The following ENTPD1 variants were observed in gnomAD, a reference collection of about 807,000 sequenced individuals.
ENTPD1 encodes the protein ATP diphosphohydrolase.
Under a neutral mutation model 57.0 loss-of-function variants are expected in ENTPD1, and 33 were observed. That is an observed-to-expected ratio of 0.58 (90% CI 0.44 to 0.77). The LOEUF (loss-of-function observed/expected upper bound fraction) is 0.77, where lower values mean the gene tolerates loss of function less well. ENTPD1 is among the 30% of genes least tolerant of loss of function. ENTPD1 has a pLI of 0.00. For missense variants in ENTPD1, 501 were observed against 603.4 expected (o/e 0.83, Z 1.78); for synonymous variants, 202 against 218.8 (o/e 0.92, Z 0.68).
chr10:95,796,705 AGAT>A (rs1457808238), intron 1 of ENTPD1, among the ~76,000 whole-genome samples: 1 of 152,158 alleles, frequency 6.6e-6, no homozygotes, highest in Non-Finnish European at 1.5e-5. Flanking sequence ...GCTTTTAAGT[AGAT>A]GATGTGTTGG....
chr10:95,698,429 A>G, the ENTPD1 span, among the ~76,000 whole-genome samples: 4 of 152,260 alleles, frequency 2.6e-5, no homozygotes, highest in Non-Finnish European at 5.9e-5. Flanking sequence ...CATGAAGAGT[A>G]AAAAAGCACG....
chr10:95,804,637 G>C (rs2098264683), intron 1 of ENTPD1, among the ~76,000 whole-genome samples: 1 of 152,176 alleles, frequency 6.6e-6, no homozygotes, highest in Admixed American at 6.5e-5. Flanking sequence ...TGCAAACAGG[G>C]ACAATTTGAC....
chr10:95,859,794 T>C (rs1233983852), intron 7 of ENTPD1, among the ~76,000 whole-genome samples: 1 of 152,242 alleles, frequency 6.6e-6, no homozygotes, highest in Admixed American at 6.5e-5. Flanking sequence ...CTATATACTA[T>C]ATTGAATAGC....
intron 1 of ENTPD1, among the ~76,000 whole-genome samples, chr10:95,807,646 G>A (rs924393613): frequency 1.3e-5 from 2 of 152,196 alleles, no homozygotes; most frequent in Admixed American, 1.3e-4. Context: ...TCTTGGAATG[G>A]ATCCTTCTCT....
intron 2 of ENTPD1, among the ~76,000 whole-genome samples, chr10:95,824,749 T>A (rs1273306640): frequency 6.6e-6 from 1 of 152,198 alleles, no homozygotes; most frequent in Admixed American, 6.5e-5. Context: ...ATATGTGTGG[T>A]CATGGACGAC....
At chr10:95,748,616 A>G (rs2098008595) in intron 1 of ENTPD1, among the ~76,000 whole-genome samples, 1 of 152,210 alleles carries the variant, frequency 6.6e-6, no homozygotes, top group Non-Finnish European at 1.5e-5. Flanking sequence ...TTATAGCCAC[A>G]ATACTACTAT....
chr10:95,832,983 G>A (rs144658313), intron 2 of ENTPD1, among the ~76,000 whole-genome samples: 2,539 of 152,318 alleles, frequency 0.017, 49 homozygotes, highest in Non-Finnish European at 0.022. Context: ...AGGATTTCCA[G>A]CTTCTGTTAA....
chr10:95,763,803 A>C (rs1371233941), intron 1 of ENTPD1, among the ~76,000 whole-genome samples: 1 of 152,244 alleles, frequency 6.6e-6, no homozygotes, highest in Non-Finnish European at 1.5e-5. Context: ...GGCTTTAGTT[A>C]GTTAACACAC....
rs1309781791 is a variant in ENTPD1, at chr10:95,845,433, C to A, written c.650C>A (p.Ala217Asp). The A allele has an allele frequency of 6.2e-7, 1 of 1,614,002 alleles. No homozygotes were observed. The highest frequency in any genetic ancestry group is 2.2e-5 in the East Asian group (1 of 44,894). ...ETFGALDLGG[A>D]STQVTFVPQN... ...TTTGGAGCTTTGGACCTTGGGGGAG[C>A]CTCTACACAAGTCACTTTTGTACCC... is the stretch of plus-strand genomic sequence containing the variant. Residue 217 changes from alanine to aspartate, a missense_variant, in exon 6 of 10, where the codon GCC becomes GAC. Transcript: ENST00000371205.
At chr10:95,724,846 G>A (rs1459254376) in intron 1 of ENTPD1, among the ~76,000 whole-genome samples, 1 of 152,194 alleles carries the variant, frequency 6.6e-6, no homozygotes, top group African/African-American at 2.4e-5. Context: ...CCCATAAAAT[G>A]GGAGGGGACC....
intron 1 of ENTPD1, among the ~76,000 whole-genome samples, chr10:95,719,451 G>T (rs2097975107): frequency 6.6e-6 from 1 of 152,120 alleles, no homozygotes; most frequent in Admixed American, 6.5e-5. Flanking sequence ...TCCATATTTG[G>T]CAGAAGCGTG....
At chr10:95,787,887 GAT>G (rs2098186935) in intron 1 of ENTPD1, among the ~76,000 whole-genome samples, 1 of 152,240 alleles carries the variant, frequency 6.6e-6, no homozygotes, top group Admixed American at 6.5e-5. Context: ...GGCTGCAGTG[GAT>G]ATGGCAACAC....
At chr10:95,718,413 C>T (rs1768295173) in intron 1 of ENTPD1, among the ~76,000 whole-genome samples, 2 of 152,212 alleles carry the variant, frequency 1.3e-5, no homozygotes, top group South Asian at 4.2e-4. Flanking sequence ...TCAATATCCT[C>T]TTGGTGGTTC....
chr10:95,787,504 G>T (rs1012790229), intron 1 of ENTPD1, among the ~76,000 whole-genome samples: 1 of 152,194 alleles, frequency 6.6e-6, no homozygotes, highest in Admixed American at 6.5e-5. Flanking sequence ...TGGCAGCTCT[G>T]TAGAGGGCTT....
intron 1 of ENTPD1, among the ~76,000 whole-genome samples, chr10:95,727,830 T>C (rs1351709189): frequency 6.6e-6 from 1 of 152,226 alleles, no homozygotes; most frequent in Non-Finnish European, 1.5e-5. Context: ...CCTAAATGGT[T>C]ACTCCTAGCA....
intron 1 of ENTPD1, among the ~76,000 whole-genome samples, chr10:95,799,017 G>A (rs1297330778): frequency 6.6e-6 from 1 of 152,112 alleles, no homozygotes; most frequent in African/African-American, 2.4e-5. Context: ...TAGGTAGCCC[G>A]GTTTTATACA....
chr10:95,852,434 A>G (rs369827058), intron 7 of ENTPD1, among the ~76,000 whole-genome samples: 8 of 152,128 alleles, frequency 5.3e-5, no homozygotes, highest in Non-Finnish European at 1.0e-4. Flanking sequence ...CTTTAGTTTA[A>G]TTAGATCCCA....
chr10:95,739,411 C>T (rs35037126), intron 1 of ENTPD1, among the ~76,000 whole-genome samples: 29 of 152,330 alleles, frequency 1.9e-4, no homozygotes, highest in Non-Finnish European at 2.2e-4. Flanking sequence ...GTTTATGTAA[C>T]ATTTTAAATC....
the ENTPD1 span, among the ~76,000 whole-genome samples, chr10:95,702,980 T>C: frequency 6.6e-6 from 1 of 151,898 alleles, no homozygotes; most frequent in Non-Finnish European, 1.5e-5. Flanking sequence ...AGAGATGGGG[T>C]TTCACCATCT....
Sources: allele counts gnomAD v4.1 joint callset (sites outside exome capture counted in the v4.1 genomes callset), GRCh38; gene constraint gnomAD v4.1.1; transcripts MANE v1.5; gene names NCBI Gene and HGNC (gene_info 2026-07-23, HGNC 2026-07-21).